Variants in CNGB1 observed in about 807,000 individuals in gnomAD.
CNGB1 encodes the protein cyclic nucleotide-gated channel beta-1.
In CNGB1, 126 loss-of-function variants were observed where a neutral mutation model predicts 151.7. That is an observed-to-expected ratio of 0.83 (90% confidence interval 0.72 to 0.96). CNGB1 has a LOEUF of 0.96. CNGB1 is among the 40% of genes least tolerant of loss of function. The probability of loss-of-function intolerance (pLI) is 0.00; values close to 1 mark genes in which losing one functional copy is unlikely to be tolerated. For missense variants in CNGB1, 1,698 were observed against 1,627.0 expected (o/e 1.04, Z -0.75); for synonymous variants, 623 against 635.1 (o/e 0.98, Z 0.29).
chr16:57,969,823 G>A (rs1206461166), intron 1 of CNGB1, among the ~76,000 whole-genome samples: 1 of 152,172 alleles, frequency 6.6e-6, no homozygotes, highest in East Asian at 1.9e-4. Context: ...CAGCGTGCAG[G>A]TCAGTGTGTG....
At chr16:57,904,305 T>C (rs419828) in intron 26 of CNGB1, among the ~76,000 whole-genome samples, 112,149 of 151,968 alleles carry the variant, frequency 0.74, 41,499 homozygotes, top group East Asian at 0.83. Flanking sequence ...ACGGCGGCCA[T>C]GTTGTCTGAC....
intron 21 of CNGB1, among the ~76,000 whole-genome samples, chr16:57,916,773 G>T (rs1327930431): frequency 6.6e-6 from 1 of 152,134 alleles, no homozygotes; most frequent in Non-Finnish European, 1.5e-5. Flanking sequence ...TCTCAAATTG[G>T]CCCAAGTAGG....
chr16:57,913,779 C>G (rs1960794174), intron 23 of CNGB1, among the ~76,000 whole-genome samples: 1 of 152,210 alleles, frequency 6.6e-6, no homozygotes, highest in Admixed American at 6.5e-5. Context: ...CCACACCCAG[C>G]CAGCACATAC....
At chr16:57,948,071 G>C (rs1961852319) in intron 14 of CNGB1, among the ~76,000 whole-genome samples, 1 of 152,194 alleles carries the variant, frequency 6.6e-6, no homozygotes, top group South Asian at 2.1e-4. Flanking sequence ...GAGGTACCAT[G>C]GTGGTCAGAG....
chr16:57,884,085 G>C lies in CNGB1; in HGVS notation c.*79C>G, dbSNP rs1425803203. On this transcript the variant is annotated 3_prime_UTR_variant, in exon 33 of 33. Transcript: ENST00000251102. ...TTCTCTTGAGCCGTGGGGGAAGGTG[G>C]GGCGCTGGGGCGCAGGGGCGCAGCG... 1 of 1,595,838 alleles carries C rather than the reference G, an allele frequency of 6.3e-7. No individual in the cohort carries two copies. Among genetic ancestry groups the C allele is most frequent in the Non-Finnish European group, 8.6e-7 (1 of 1,164,092 alleles).
At chr16:57,939,647 C>G in intron 15 of CNGB1, 55 bp from the exon 16 acceptor site, 1 of 1,609,996 alleles carries the variant, frequency 6.2e-7, no homozygotes, top group East Asian at 2.2e-5. Flanking sequence ...CAGCCCTAGT[C>G]TCAGCAGCTC....
In CNGB1 at chr16:57,940,284, C is replaced by T. The variant is rs772522514; in HGVS notation, c.1159G>A (p.Val387Met). 6 of 1,582,594 alleles carry T rather than the reference C, an allele frequency of 3.8e-6. No individual in the cohort carries two copies. Among genetic ancestry groups the T allele is most frequent in the Admixed American group, 3.7e-5 (2 of 54,302 alleles). The change falls in exon 15 of 33, where the codon GTG (valine) becomes ATG (methionine). Residue 387 changes from valine to methionine, a missense_variant. Transcript: ENST00000251102. ...GTCCCGTCTTCTTCACTCTGGCCCA[C>T]GCCCACCTGCGACACCACACAGCTA... Reference protein sequence around the residue: ...LDSCVVSQVGVGQSEEDGTRP... With the variant: ...LDSCVVSQVGMGQSEEDGTRP...
intron 12 of CNGB1, among the ~76,000 whole-genome samples, chr16:57,952,925 G>C (rs982463429): frequency 6.6e-6 from 1 of 152,224 alleles, no homozygotes; most frequent in Non-Finnish European, 1.5e-5. Context: ...CCTGGAAGGG[G>C]AGGGATTGGG....
At position 57,903,988 on chromosome 16, in the gene CNGB1, G is replaced by T. The variant is rs1222206370; in HGVS notation, c.2635-7C>A. The T allele has an allele frequency of 6.2e-7, 1 of 1,613,350 alleles. No individual in the cohort carries two copies. The highest frequency in any genetic ancestry group is 1.3e-5 in the African/African-American group (1 of 75,020). On this transcript the variant is annotated splice_polypyrimidine_tract_variant and splice_region_variant and intron_variant, in intron 26 of 32. Coordinates refer to ENST00000251102, the MANE Select transcript of CNGB1 (RefSeq NM_001297.5). ...CCCCTACCACATCTCTCATCTGGGGGAAGGGTTATGGGAGGTCAAGGAAGC... is the reference window on the plus strand; with the variant it reads ...CCCCTACCACATCTCTCATCTGGGGTAAGGGTTATGGGAGGTCAAGGAAGC...
chr16:57,887,340 G>C (rs986346510), intron 32 of CNGB1, among the ~76,000 whole-genome samples: 78 of 152,098 alleles, frequency 5.1e-4, no homozygotes, highest in Non-Finnish European at 4.7e-4. Context: ...TCTCAGTCCA[G>C]GGGCGGGTAT....
intron 31 of CNGB1, 73 bp downstream of exon 31, chr16:57,897,324 A>G (rs1440286835): frequency 1.1e-5 from 16 of 1,441,996 alleles, no homozygotes; most frequent in Non-Finnish European, 1.4e-5. Flanking sequence ...AAAAAGATAA[A>G]GGTACTGTGG....
chr16:57,917,139 G>T (rs1188370050), intron 21 of CNGB1, 129 bp downstream of exon 21: 4 of 797,794 alleles, frequency 5.0e-6, no homozygotes, highest in Non-Finnish European at 8.6e-6. Flanking sequence ...AACAAGCACA[G>T]CAGCCGTTCT....
intron 25 of CNGB1, among the ~76,000 whole-genome samples, chr16:57,908,099 T>C (rs546073962): frequency 6.6e-6 from 1 of 152,302 alleles, no homozygotes; most frequent in African/African-American, 2.4e-5. Context: ...CCATATTGCC[T>C]AGGCTGGTCT....
chr16:57,957,525 C>A, intron 11 of CNGB1, 148 bp from the exon 12 acceptor site: 1 of 732,648 alleles, frequency 1.4e-6, no homozygotes. Flanking sequence ...CCTGCTGTGC[C>A]CAGGGCCAAT....
rs1436907557 is a variant in CNGB1, at chr16:57,884,107, A to G, written c.*57T>C. ...GTGGGGCGCTGGGGCGCAGGGGCGC[A>G]GCGGGCGCTGGGGACACACCTGCTG... is the stretch of plus-strand genomic sequence containing the variant. On this transcript the variant is annotated 3_prime_UTR_variant, in exon 33 of 33. Coordinates refer to ENST00000251102, the MANE Select transcript of CNGB1 (RefSeq NM_001297.5). 4 of 1,610,348 alleles carry G rather than the reference A, an allele frequency of 2.5e-6. No homozygotes were observed. The African/African-American group carries it at 4.0e-5, about 16-fold the overall frequency.
chr16:57,963,723 G>T (rs747502990), intron 4 of CNGB1, among the ~76,000 whole-genome samples: 1 of 152,166 alleles, frequency 6.6e-6, no homozygotes, highest in East Asian at 1.9e-4. Context: ...ACTGAGAAAC[G>T]TCCGGCCCCC....
At chr16:57,967,006 C>A in intron 2 of CNGB1, 122 bp downstream of exon 2, 1 of 1,398,442 alleles carries the variant, frequency 7.2e-7, no homozygotes, top group East Asian at 2.3e-5. Flanking sequence ...CCTGTGACCC[C>A]CACTTTTCCT....
At chr16:57,964,081 T>G (rs2149388503) in intron 4 of CNGB1, 49 bp downstream of exon 4, 1 of 1,557,810 alleles carries the variant, frequency 6.4e-7, no homozygotes, top group Non-Finnish European at 8.8e-7. Flanking sequence ...GCTGGGAGGG[T>G]AGTTGGGAGG....
chr16:57,923,509 ACTTCTGAGTC>A (rs1460919091), intron 17 of CNGB1, 129 bp from the exon 18 acceptor site: 1 of 743,294 alleles, frequency 1.3e-6, no homozygotes, highest in East Asian at 3.0e-5. Context: ...CGGAGCATGA[ACTTCTGAGTC>A]CTCATTTGCC....
Sources: allele counts gnomAD v4.1 joint callset (sites outside exome capture counted in the v4.1 genomes callset), GRCh38; gene constraint gnomAD v4.1.1; transcripts MANE v1.5; gene names NCBI Gene and HGNC (gene_info 2026-07-23, HGNC 2026-07-21).